SMOC1: variants seen among roughly 807,000 people sequenced by gnomAD.
The protein encoded by SMOC1 is SPARC related modular calcium binding 1.
In SMOC1, 22 loss-of-function variants were observed where a neutral mutation model predicts 56.3. The ratio of observed to expected loss-of-function variants is 0.39; its 90% CI spans 0.28 to 0.56. The LOEUF (loss-of-function observed/expected upper bound fraction) is 0.56. Among genes scored for constraint, SMOC1 ranks in the 20% least tolerant of loss-of-function variants. SMOC1 has a pLI of 0.61. For missense variants in SMOC1, 509 were observed against 565.4 expected (o/e 0.90, Z 1.01); for synonymous variants, 193 against 215.0 (o/e 0.90, Z 0.89).
intron 7 of SMOC1, among the ~76,000 whole-genome samples, chr14:70,000,057 C>T (rs1884909587): frequency 2.0e-5 from 3 of 152,144 alleles, no homozygotes; most frequent in Admixed American, 2.0e-4. Flanking sequence ...AGATCTTGCC[C>T]AGGTATTGTC....
intron 10 of SMOC1, among the ~76,000 whole-genome samples, chr14:70,020,483 G>A (rs778607757): frequency 3.1e-4 from 47 of 152,178 alleles, no homozygotes; most frequent in Non-Finnish European, 5.3e-4. Context: ...TATCATGCTA[G>A]CTGGGAAGGA....
At chr14:69,903,332 C>T (rs1432003656) in intron 1 of SMOC1, among the ~76,000 whole-genome samples, 1 of 152,056 alleles carries the variant, frequency 6.6e-6, no homozygotes, top group African/African-American at 2.4e-5. Context: ...TGAGGAGCCC[C>T]TCCGCCCGGC....
At chr14:69,896,037 T>C (rs1368946284) in intron 1 of SMOC1, among the ~76,000 whole-genome samples, 2 of 152,032 alleles carry the variant, frequency 1.3e-5, no homozygotes, top group Non-Finnish European at 2.9e-5. Flanking sequence ...AGAGACACAG[T>C]CTTGCTATAT....
chr14:69,969,367 G>A (rs1051970666), intron 3 of SMOC1, among the ~76,000 whole-genome samples: 14 of 152,234 alleles, frequency 9.2e-5, no homozygotes, highest in African/African-American at 2.4e-4. Flanking sequence ...CATCTACTCC[G>A]CTTCTGGAAA....
At chr14:69,940,195 A>G (rs1882500349) in intron 1 of SMOC1, among the ~76,000 whole-genome samples, 1 of 152,098 alleles carries the variant, frequency 6.6e-6, no homozygotes, top group African/African-American at 2.4e-5. Flanking sequence ...TTGTATTGAG[A>G]CCAACCCCAG....
intron 1 of SMOC1, among the ~76,000 whole-genome samples, chr14:69,895,097 A>G (rs769047196): frequency 1.6e-4 from 25 of 152,222 alleles, no homozygotes; most frequent in Non-Finnish European, 2.8e-4. Context: ...TGGGGAGGAA[A>G]TAGCTTGAAT....
intron 4 of SMOC1, among the ~76,000 whole-genome samples, chr14:69,976,592 G>A (rs963174310): frequency 2.0e-5 from 3 of 152,030 alleles, no homozygotes; most frequent in Non-Finnish European, 2.9e-5. Context: ...CCATTTCATG[G>A]GATTGTGGAT....
At chr14:69,945,786 G>A (rs1882756955) in intron 1 of SMOC1, among the ~76,000 whole-genome samples, 1 of 152,194 alleles carries the variant, frequency 6.6e-6, no homozygotes, top group South Asian at 2.1e-4. Context: ...GTATCACAGA[G>A]AGAAATGTCA....
chr14:69,896,658 A>AT (rs1245227155), intron 1 of SMOC1, among the ~76,000 whole-genome samples: 3 of 152,198 alleles, frequency 2.0e-5, no homozygotes, highest in African/African-American at 4.8e-5. Context: ...AATAAAGCTC[A>AT]TTTTTTGTGT....
intron 8 of SMOC1, 55 bp from the exon 9 acceptor site, chr14:70,011,430 A>G: frequency 1.3e-6 from 2 of 1,512,984 alleles, no homozygotes; most frequent in Middle Eastern, 3.4e-4. Flanking sequence ...GTAGTGACTG[A>G]AGTAGGCTCA....
chr14:69,892,573 G>A (rs1883991426), intron 1 of SMOC1, among the ~76,000 whole-genome samples: 1 of 152,130 alleles, frequency 6.6e-6, no homozygotes, highest in Non-Finnish European at 1.5e-5. Context: ...GGAGAGACTA[G>A]TACAATGGAT....
intron 7 of SMOC1, among the ~76,000 whole-genome samples, chr14:70,002,229 G>A (rs1884994432): frequency 6.6e-6 from 1 of 152,238 alleles, no homozygotes. Context: ...ATTGAGGGAT[G>A]ATGTTAGATT....
At chr14:69,985,540 T>A (rs760884539) in intron 5 of SMOC1, among the ~76,000 whole-genome samples, 1 of 152,206 alleles carries the variant, frequency 6.6e-6, no homozygotes, top group Non-Finnish European at 1.5e-5. Context: ...GGCACAGTAG[T>A]ACTGCCCTAC....
intron 11 of SMOC1, among the ~76,000 whole-genome samples, chr14:70,023,829 A>ATGTGTGTGTGTGTG (rs57688603): frequency 6.9e-6 from 1 of 144,944 alleles, no homozygotes; most frequent in African/African-American, 2.5e-5. Context: ...GAGTGTGTGT[A>ATGTGTGTGTGTGTG]TGTGTGTGTG....
chr14:69,954,687 CA>C (rs943491250), intron 3 of SMOC1, among the ~76,000 whole-genome samples: 1 of 152,126 alleles, frequency 6.6e-6, no homozygotes, highest in African/African-American at 2.4e-5. Context: ...TGAGCTTAGC[CA>C]AGTGGTTGGG....
In SMOC1 at chr14:70,030,723, A is replaced by C. The variant is rs898621535; in HGVS notation, c.*465A>C. 1 of 160,510 alleles carries C rather than the reference A, an allele frequency of 6.2e-6. No individual in the cohort carries two copies. The highest frequency in any genetic ancestry group is 2.4e-5 in the African/African-American group (1 of 41,638). 9.9% of individuals were successfully genotyped at this position (160,510 alleles called of 1,614,324 possible). On this transcript the variant is annotated 3_prime_UTR_variant, in exon 12 of 12. Transcript: ENST00000361956. Reference sequence around the variant, plus strand: ...TGGACACATAGTCCAGCTTTCTAAAATCCAGGACTCTATCCTGGGCCTACT... The same window carrying C: ...TGGACACATAGTCCAGCTTTCTAAACTCCAGGACTCTATCCTGGGCCTACT...
chr14:70,027,439 T>G (rs1885970193), intron 11 of SMOC1, among the ~76,000 whole-genome samples: 1 of 150,022 alleles, frequency 6.7e-6, no homozygotes, highest in Non-Finnish European at 1.5e-5. Flanking sequence ...TGGGCAGGAG[T>G]AGAGGTGTTG....
intron 1 of SMOC1, among the ~76,000 whole-genome samples, chr14:69,906,390 T>C (rs542086699): frequency 6.6e-6 from 1 of 152,330 alleles, no homozygotes; most frequent in South Asian, 2.1e-4. Flanking sequence ...AAGCCACGTG[T>C]AGGTCGTCTG....
intron 1 of SMOC1, chr14:69,885,966 G>C (rs566721512): frequency 1.3e-6 from 2 of 1,587,958 alleles, no homozygotes; most frequent in East Asian, 4.5e-5. Flanking sequence ...CTGATATAGC[G>C]GGGCCATTTC....
Sources: allele counts gnomAD v4.1 joint callset (sites outside exome capture counted in the v4.1 genomes callset), GRCh38; gene constraint gnomAD v4.1.1; transcripts MANE v1.5; gene names NCBI Gene and HGNC (gene_info 2026-07-23, HGNC 2026-07-21).